Variants in ITGB6 observed in about 807,000 individuals in gnomAD.
ITGB6 encodes the protein integrin beta-6.
Under a neutral mutation model 84.5 loss-of-function variants are expected in ITGB6, and 80 were observed. That is an observed-to-expected ratio of 0.95 (90% CI 0.79 to 1.14). ITGB6 has a LOEUF of 1.14. Among genes scored for constraint, ITGB6 ranks in the 50% most tolerant of loss-of-function variants. ITGB6 has a pLI of 0.00. For synonymous variants in ITGB6, 383 were observed against 354.9 expected (o/e 1.08, Z -0.89); for missense variants, 1,006 against 968.0 (o/e 1.04, Z -0.52).
At position 160,137,644 on chromosome 2, in the gene ITGB6, C is replaced by A; in HGVS notation, c.1450G>T (p.Gly484Cys). 6.2e-7 allele frequency: 1 copy of A among 1,614,174 alleles called. No individual in the cohort carries two copies. Among genetic ancestry groups the A allele is most frequent in the African/African-American group, 1.3e-5 (1 of 75,050 alleles). The change falls in exon 10 of 15, where the codon GGC becomes TGC. Residue 484 changes from glycine (G) to cysteine (C), a missense_variant. By Grantham distance (159) the Gly-to-Cys change is radical. Transcript: ENST00000283249. ...CACTCACAGCGAGGCCCCATGTGGC[C>A]AGGGTGGCAGGCACACACCCCACAC... Reference protein sequence around the residue: ...FQCGVCACHPGHMGPRCECGE... With the variant: ...FQCGVCACHPCHMGPRCECGE...
intron 10 of ITGB6, among the ~76,000 whole-genome samples, chr2:160,137,079 A>G (rs1219451502): frequency 6.6e-6 from 1 of 152,122 alleles, no homozygotes; most frequent in African/African-American, 2.4e-5. Context: ...AAAAAAAGAA[A>G]AGGTCAGTCA....
chr2:160,173,847 G>A, intron 5 of ITGB6, 127 bp downstream of exon 5: 1 of 834,102 alleles, frequency 1.2e-6, no homozygotes, highest in Non-Finnish European at 1.8e-6. Flanking sequence ...TGTATTTTAA[G>A]AAAAATATGA....
intron 10 of ITGB6, among the ~76,000 whole-genome samples, chr2:160,132,081 T>C (rs1002614493): frequency 5.3e-5 from 8 of 152,170 alleles, no homozygotes; most frequent in African/African-American, 1.9e-4. Flanking sequence ...TTTGAACATG[T>C]ATTTTATTAC....
intron 13 of ITGB6, among the ~76,000 whole-genome samples, chr2:160,109,371 T>C (rs1294399761): frequency 1.3e-5 from 2 of 152,178 alleles, no homozygotes; most frequent in Non-Finnish European, 2.9e-5. Context: ...GCCTGTGTCA[T>C]GAGAATATAT....
At chr2:160,117,450 T>C (rs1389752261) in intron 12 of ITGB6, among the ~76,000 whole-genome samples, 2 of 152,088 alleles carry the variant, frequency 1.3e-5, no homozygotes, top group African/African-American at 4.8e-5. Context: ...GAAATAAAGA[T>C]GTTCTTTGAA....
chr2:160,183,767 G>A lies in ITGB6; in HGVS notation c.594-9628C>T, dbSNP rs1180824462. 2.6e-5 allele frequency among the ~76,000 whole-genome samples: 4 copies of A among 152,278 alleles called. No homozygotes were observed. The East Asian group carries it at 5.8e-4, about 22-fold the overall frequency. ...AAAACACTCCTCAGCAAACGCAAAA[G>A]AATGGAAATCATAACAAACAGTCTC... On this transcript the variant is annotated intron_variant, in intron 4 of 14. Coordinates refer to ENST00000283249, the MANE Select transcript of ITGB6 (RefSeq NM_000888.5).
intron 14 of ITGB6, among the ~76,000 whole-genome samples, chr2:160,107,444 A>G (rs1696951824): frequency 6.6e-6 from 1 of 152,062 alleles, no homozygotes; most frequent in South Asian, 2.1e-4. Context: ...GCCTCATGAG[A>G]CCCTTCATCG....
At chr2:160,121,947 T>A (rs1574053358) in intron 12 of ITGB6, among the ~76,000 whole-genome samples, 2 of 151,168 alleles carry the variant, frequency 1.3e-5, no homozygotes, top group Admixed American at 1.3e-4. Flanking sequence ...AAAATTCCTC[T>A]TGTTGGGGGA....
At chr2:160,194,899 A>G (rs115257414) in intron 4 of ITGB6, among the ~76,000 whole-genome samples, 5 of 152,328 alleles carry the variant, frequency 3.3e-5, no homozygotes, top group Non-Finnish European at 7.4e-5. Flanking sequence ...AGAGAAACCA[A>G]TATTTCCCAA....
Position 160,195,455 on chromosome 2 carries a change from G to C in ITGB6, c.507C>G (p.Asn169Lys). Residue 169 changes from asparagine to lysine, a missense_variant, in exon 4 of 15, where the codon AAC (asparagine) becomes AAG (lysine). Asn to Lys is a moderately conservative substitution (Grantham distance 94). Coordinates refer to ENST00000283249, the MANE Select transcript of ITGB6 (RefSeq NM_000888.5). ...CAAAAGATCCGAAGCCCAGTCTAAA[G>C]TTGCTGGTTAATTTAGACATCTCTT... ...LSKEMSKLTS[N>K]FRLGFGSFVE... 3 of 1,614,216 alleles carry C rather than the reference G, an allele frequency of 1.9e-6. No homozygotes were observed. The South Asian group carries it at 3.3e-5, about 18-fold the overall frequency.
intron 7 of ITGB6, among the ~76,000 whole-genome samples, chr2:160,152,350 C>T (rs1285702102): frequency 3.9e-5 from 6 of 152,148 alleles, no homozygotes; most frequent in Admixed American, 3.9e-4. Flanking sequence ...ACAAAAACCA[C>T]ATGATTATCT....
Position 160,107,776 on chromosome 2 carries a change from A to G in ITGB6, c.2171T>C (p.Val724Ala). Residue 724 changes from valine to alanine, a missense_variant, in exon 14 of 15, where the codon GTT (valine) becomes GCT (alanine). Transcript: ENST00000283249. Reference protein sequence around the residue: ...GVSLAILLIGVVLLCIWKLLV... With the variant: ...GVSLAILLIGAVLLCIWKLLV... ...TAGCTTCCAGATGCACAGTAGGACA[A>G]CCCCGATGAGAAGAATAGCCAGGGA... is the stretch of plus-strand genomic sequence containing the variant. 1 of 1,613,980 alleles carries G rather than the reference A, an allele frequency of 6.2e-7. No individual in the cohort carries two copies. The highest frequency in any genetic ancestry group is 8.5e-7 in the Non-Finnish European group (1 of 1,179,890).
chr2:160,118,667 C>A (rs1222289328), intron 12 of ITGB6, among the ~76,000 whole-genome samples: 1 of 151,658 alleles, frequency 6.6e-6, no homozygotes, highest in Non-Finnish European at 1.5e-5. Context: ...CTGGCCAGGG[C>A]AATTAGGCAG....
At chr2:160,183,331 G>T (rs770315542) in intron 4 of ITGB6, among the ~76,000 whole-genome samples, 10 of 152,062 alleles carry the variant, frequency 6.6e-5, no homozygotes, top group Non-Finnish European at 1.5e-4. Flanking sequence ...AAAAGCAGGG[G>T]TTACAATCCT....
chr2:160,103,959 A>G (rs1696811373), intron 14 of ITGB6, among the ~76,000 whole-genome samples: 1 of 152,212 alleles, frequency 6.6e-6, no homozygotes, highest in Non-Finnish European at 1.5e-5. Flanking sequence ...ACTGATATGC[A>G]TTATAGAGGA....
chr2:160,119,218 A>G (rs1446246758), intron 12 of ITGB6, among the ~76,000 whole-genome samples: 1 of 152,238 alleles, frequency 6.6e-6, no homozygotes, highest in East Asian at 1.9e-4. Context: ...GTCAATCCTA[A>G]GCCAAAAGAA....
At chr2:160,113,863 C>T (rs976360474) in intron 12 of ITGB6, among the ~76,000 whole-genome samples, 2 of 152,148 alleles carry the variant, frequency 1.3e-5, no homozygotes, top group Admixed American at 1.3e-4. Flanking sequence ...TGTTCACTTG[C>T]CCCTCCAATT....
chr2:160,110,044 A>G (rs577906033), intron 13 of ITGB6, among the ~76,000 whole-genome samples: 2 of 152,340 alleles, frequency 1.3e-5, no homozygotes, highest in South Asian at 2.1e-4. Flanking sequence ...TTTAAATTAC[A>G]TATAGGGTTT....
chr2:160,184,716 C>G (rs1013054978), intron 4 of ITGB6, among the ~76,000 whole-genome samples: 3 of 152,052 alleles, frequency 2.0e-5, no homozygotes, highest in Non-Finnish European at 4.4e-5. Flanking sequence ...TGAACATTGA[C>G]GCGAAAATCC....
Sources: allele counts gnomAD v4.1 joint callset (sites outside exome capture counted in the v4.1 genomes callset), GRCh38; gene constraint gnomAD v4.1.1; transcripts MANE v1.5; gene names NCBI Gene and HGNC (gene_info 2026-07-23, HGNC 2026-07-21).